Variants in CMIP observed in about 807,000 individuals in gnomAD.
CMIP encodes C-Maf-inducing protein.
In CMIP, 13 loss-of-function variants were observed where a neutral mutation model predicts 97.3. That is an observed-to-expected ratio of 0.13 (90% CI 0.09 to 0.21). CMIP has a LOEUF of 0.21. Ranked by LOEUF, CMIP falls within the 10% of genes least tolerant of loss-of-function variation. The pLI is 1.00. For missense variants in CMIP, 847 were observed against 1,024.9 expected, an observed-to-expected ratio of 0.83 and a Z score of 2.37; for synonymous variants, 538 against 436.3, an observed-to-expected ratio of 1.23 and a Z score of -2.91.
At chr16:81,548,680 A>C (rs1200107599) in intron 1 of CMIP, among the ~76,000 whole-genome samples, 1 of 151,642 alleles carries the variant, frequency 6.6e-6, no homozygotes, top group East Asian at 1.9e-4. Flanking sequence ...GCCTCTACAA[A>C]AAAAAAAAGA....
At chr16:81,459,345 GCCCTGTGCTGTGA>G (rs1373127135) in intron 1 of CMIP, among the ~76,000 whole-genome samples, 1 of 152,092 alleles carries the variant, frequency 6.6e-6, no homozygotes, top group Non-Finnish European at 1.5e-5. Context: ...TGTGCCCGTG[GCCCTGTGCTGTGA>G]CCCTGCGCTG....
At chr16:81,657,639 TA>T (rs992180507) in intron 4 of CMIP, 135 bp from the exon 5 acceptor site, 1 of 722,370 alleles carries the variant, frequency 1.4e-6, no homozygotes, top group African/African-American at 1.8e-5. Flanking sequence ...TCTGTTTAAT[TA>T]AGAAAAAATG....
intron 1 of CMIP, among the ~76,000 whole-genome samples, chr16:81,590,496 G>A (rs1273247323): frequency 6.6e-6 from 1 of 152,220 alleles, no homozygotes; most frequent in Non-Finnish European, 1.5e-5. Flanking sequence ...GGATGTGGGT[G>A]TCCCTGGGAG....
chr16:81,638,296 C>G (rs2092261986), intron 3 of CMIP, among the ~76,000 whole-genome samples: 1 of 152,302 alleles, frequency 6.6e-6, no homozygotes, highest in African/African-American at 2.4e-5. Context: ...TGTGGACATA[C>G]CTTCTTTGGG....
At chr16:81,651,532 C>G (rs922594697) in intron 3 of CMIP, 1 of 222,442 alleles carries the variant, frequency 4.5e-6, no homozygotes, top group Non-Finnish European at 7.6e-6. Context: ...AGTCTAATTC[C>G]TGGCCTTAAT....
chr16:81,695,035 C>G (rs1020842627), intron 13 of CMIP, among the ~76,000 whole-genome samples: 2 of 152,170 alleles, frequency 1.3e-5, no homozygotes, highest in East Asian at 3.8e-4. Context: ...GCTGGGAGAA[C>G]AAAAGTGGCA....
chr16:81,597,829 C>G (rs1021839134), intron 1 of CMIP, among the ~76,000 whole-genome samples: 20 of 152,214 alleles, frequency 1.3e-4, no homozygotes, highest in African/African-American at 4.1e-4. Context: ...GTTCCTCTCA[C>G]CAGCCATCTT....
chr16:81,521,656 T>C (rs554484759), intron 1 of CMIP, among the ~76,000 whole-genome samples: 10 of 152,298 alleles, frequency 6.6e-5, no homozygotes, highest in African/African-American at 1.9e-4. Flanking sequence ...GTGAATTTTC[T>C]TTTCCTTCTA....
chr16:81,490,404 G>C (rs1382605359), intron 1 of CMIP, among the ~76,000 whole-genome samples: 1 of 152,190 alleles, frequency 6.6e-6, no homozygotes, highest in East Asian at 1.9e-4. Context: ...CAAATTGCTT[G>C]AGCTCAGGAG....
chr16:81,447,261 C>T (rs1200747979), intron 1 of CMIP, among the ~76,000 whole-genome samples: 3 of 150,214 alleles, frequency 2.0e-5, no homozygotes, highest in African/African-American at 7.4e-5. Flanking sequence ...TCCTCTTACA[C>T]TCCACAAAAT....
chr16:81,529,225 C>G (rs113174798), intron 1 of CMIP, among the ~76,000 whole-genome samples: 7 of 152,276 alleles, frequency 4.6e-5, no homozygotes, highest in Middle Eastern at 3.4e-3. Flanking sequence ...GGTCACAATG[C>G]TATTGCTGCA....
At chr16:81,633,057 G>A (rs188185533) in intron 3 of CMIP, among the ~76,000 whole-genome samples, 89 of 152,364 alleles carry the variant, frequency 5.8e-4, no homozygotes, top group Non-Finnish European at 1.2e-3. Context: ...GATGAGTCAT[G>A]GAGCCATACA....
intron 1 of CMIP, among the ~76,000 whole-genome samples, chr16:81,455,392 A>G (rs1219780523): frequency 6.6e-6 from 1 of 152,228 alleles, no homozygotes; most frequent in Non-Finnish European, 1.5e-5. Context: ...CTCAACAGAC[A>G]TAGTTTGGAT....
chr16:81,681,722 A>G (rs1904894297), intron 10 of CMIP, among the ~76,000 whole-genome samples: 2 of 152,234 alleles, frequency 1.3e-5, no homozygotes, highest in Admixed American at 1.3e-4. Context: ...ATTGCAGGAA[A>G]CTTGCCTCCT....
intron 1 of CMIP, among the ~76,000 whole-genome samples, chr16:81,571,477 A>G (rs2091086346): frequency 6.6e-6 from 1 of 151,166 alleles, no homozygotes; most frequent in African/African-American, 2.4e-5. Flanking sequence ...CATTTAGGAA[A>G]GAGCCCAGCG....
intron 2 of CMIP, chr16:81,610,388 C>A: frequency 1.0e-6 from 1 of 985,676 alleles, no homozygotes; most frequent in Non-Finnish European, 1.2e-6. Context: ...ATCCCGTGGA[C>A]AGCGCAGTCA....
intron 1 of CMIP, among the ~76,000 whole-genome samples, chr16:81,462,494 A>T (rs965241492): frequency 6.7e-6 from 1 of 148,890 alleles, no homozygotes; most frequent in African/African-American, 2.4e-5. Flanking sequence ...AGAAATAAAC[A>T]TGTAAGTGAT....
intron 1 of CMIP, among the ~76,000 whole-genome samples, chr16:81,474,244 G>A (rs1263036372): frequency 6.6e-6 from 1 of 152,110 alleles, no homozygotes; most frequent in Non-Finnish European, 1.5e-5. Context: ...GACTGTGGGA[G>A]TCCAGCTGCT....
At chr16:81,526,576 A>G (rs1374657346) in intron 1 of CMIP, among the ~76,000 whole-genome samples, 1 of 152,190 alleles carries the variant, frequency 6.6e-6, no homozygotes, top group Non-Finnish European at 1.5e-5. Flanking sequence ...ATTTTAAGGG[A>G]TATTTTGATA....
Sources: allele counts gnomAD v4.1 joint callset (sites outside exome capture counted in the v4.1 genomes callset), GRCh38; gene constraint gnomAD v4.1.1; transcripts MANE v1.5; gene names NCBI Gene and HGNC (gene_info 2026-07-23, HGNC 2026-07-21).